NOVA1: variants seen among roughly 807,000 people sequenced by gnomAD.
The protein encoded by NOVA1 is RNA-binding protein Nova-1.
A neutral mutation model predicts 38.0 loss-of-function variants in NOVA1; 7 were observed. The ratio of observed to expected loss-of-function variants is 0.18; its 90% confidence interval spans 0.10 to 0.35. The LOEUF (loss-of-function observed/expected upper bound fraction) is 0.35. Ranked by LOEUF, NOVA1 falls within the 10% of genes least tolerant of loss-of-function variation. The probability of loss-of-function intolerance (pLI) is 1.00; values close to 1 mark genes in which losing one functional copy is unlikely to be tolerated. For missense variants in NOVA1, 460 were observed against 616.0 expected, an observed-to-expected ratio of 0.75 and a Z score of 2.68; for synonymous variants, 270 against 232.5, an observed-to-expected ratio of 1.16 and a Z score of -1.47.
At position 26,460,403 on chromosome 14, in the gene NOVA1, T is replaced by C. The variant is rs1426984958; in HGVS notation, c.520-11440A>G. Among the ~76,000 whole-genome samples the C allele has an allele frequency of 2.0e-5, 3 of 151,986 alleles. No homozygotes were observed. In the East Asian group the frequency reaches 5.8e-4, roughly 29 times the overall value. ...ATTCTTTTCATATATATGGGTGAAA[T>C]AGTTCATTTATAATATTTCATAAAT... On this transcript the variant is annotated intron_variant, in intron 4 of 4. Coordinates refer to ENST00000539517, the MANE Select transcript of NOVA1 (RefSeq NM_002515.3).
At chr14:26,475,705 A>C (rs1884930894) in intron 3 of NOVA1, among the ~76,000 whole-genome samples, 1 of 152,224 alleles carries the variant, frequency 6.6e-6, no homozygotes, top group African/African-American at 2.4e-5. Context: ...AACAATTTTA[A>C]AACAGTGGAT....
intron 2 of NOVA1, among the ~76,000 whole-genome samples, chr14:26,511,295 A>T (rs1034632117): frequency 2.0e-5 from 3 of 152,178 alleles, no homozygotes; most frequent in Admixed American, 6.5e-5. Context: ...AGATTATTTG[A>T]TGAAGTAGTT....
At chr14:26,595,150 G>T (rs1373127162) in intron 2 of NOVA1, among the ~76,000 whole-genome samples, 2 of 151,910 alleles carry the variant, frequency 1.3e-5, no homozygotes, top group Non-Finnish European at 2.9e-5. Flanking sequence ...GAGTTTTTTT[G>T]CTAATAAGAA....
chr14:26,498,835 CCTT>C (rs1352410155), intron 2 of NOVA1, among the ~76,000 whole-genome samples: 1 of 152,102 alleles, frequency 6.6e-6, no homozygotes, highest in Non-Finnish European at 1.5e-5. Flanking sequence ...CCTCCAGTCT[CCTT>C]ATAAACATTT....
intron 1 of NOVA1, chr14:26,596,591 G>A (rs2099664858): frequency 2.3e-6 from 3 of 1,288,922 alleles, no homozygotes; most frequent in Admixed American, 4.6e-5. Context: ...CGATGCATTG[G>A]GTGCATTGTT....
chr14:26,456,071 C>T (rs570801356), intron 4 of NOVA1, among the ~76,000 whole-genome samples: 1 of 151,760 alleles, frequency 6.6e-6, no homozygotes, highest in African/African-American at 2.4e-5. Flanking sequence ...TCTTTCAGGG[C>T]ACATATAGTA....
At position 26,571,144 on chromosome 14, in the gene NOVA1, A is replaced by AAT. The variant is rs764542201; in HGVS notation, c.280+24264_280+24265dup. ...TTTTGAATTAAATAATATGGATTAAAATATATATATATATATGATGTTTAA... is the reference window on the plus strand; with the variant it reads ...TTTTGAATTAAATAATATGGATTAAAATATATATATATATATATGATGTTTAA... On this transcript the variant is annotated intron_variant, in intron 2 of 4. Transcript: ENST00000539517. Among the ~76,000 whole-genome samples, 472 of 149,062 alleles carry AAT rather than the reference A, an allele frequency of 3.2e-3. 1 individual carries two copies. Among genetic ancestry groups the AAT allele is most frequent in the East Asian group, 8.8e-3 (45 of 5,092 alleles).
At chr14:26,563,663 CAT>C (rs1891961069) in intron 2 of NOVA1, among the ~76,000 whole-genome samples, 1 of 151,884 alleles carries the variant, frequency 6.6e-6, no homozygotes, top group Admixed American at 6.6e-5. Flanking sequence ...AGAATGATGA[CAT>C]ATTCAACTAT....
intron 2 of NOVA1, among the ~76,000 whole-genome samples, chr14:26,521,840 T>C (rs998518729): frequency 2.6e-5 from 4 of 152,120 alleles, no homozygotes; most frequent in African/African-American, 9.6e-5. Flanking sequence ...GAAAATAAAT[T>C]TCTGCAATTT....
At chr14:26,524,294 T>C (rs1055844004) in intron 2 of NOVA1, among the ~76,000 whole-genome samples, 1 of 152,028 alleles carries the variant, frequency 6.6e-6, no homozygotes, top group African/African-American at 2.4e-5. Flanking sequence ...CTTTGGAGAG[T>C]AAGACCAATT....
intron 2 of NOVA1, among the ~76,000 whole-genome samples, chr14:26,566,364 TA>T (rs1892136882): frequency 6.6e-6 from 1 of 151,316 alleles, no homozygotes; most frequent in Non-Finnish European, 1.5e-5. Flanking sequence ...CATATATACA[TA>T]TATACTAGTT....
chr14:26,505,717 T>C (rs1887596565), intron 2 of NOVA1, among the ~76,000 whole-genome samples: 1 of 152,204 alleles, frequency 6.6e-6, no homozygotes, highest in African/African-American at 2.4e-5. Flanking sequence ...CTGAATGGTA[T>C]GATCTAATTT....
Position 26,597,627 on chromosome 14 carries a change from G to A in NOVA1, c.-191C>T. On this transcript the variant is annotated 5_prime_UTR_variant, in exon 1 of 5. Transcript: ENST00000539517. ...TTGCTGGTTTGTTCTCACTGGGGAG[G>A]GGGCAGGGCTGAGGAGCAGCTGCAG... 1 of 1,219,316 alleles carries A rather than the reference G, an allele frequency of 8.2e-7. No individual in the cohort carries two copies. The highest frequency in any genetic ancestry group is 1.0e-6 in the Non-Finnish European group (1 of 981,980). 75.5% of individuals were successfully genotyped at this position (1,219,316 alleles called of 1,614,324 possible). A position where few individuals can be genotyped will look rare whatever the true frequency, so the allele number is the denominator to read the frequency against.
At chr14:26,595,727 A>G in intron 1 of NOVA1, 174 bp from the exon 2 acceptor site, 1 of 544,700 alleles carries the variant, frequency 1.8e-6, no homozygotes, top group East Asian at 3.0e-5. Context: ...AAAAACAAAC[A>G]GGTACAAAAT....
chr14:26,448,113 A>G lies in NOVA1; in HGVS notation c.1370T>C (p.Ile457Thr). ...YQELTGARIQISKKGEFVPGT... is the reference protein window; with the variant it reads ...YQELTGARIQTSKKGEFVPGT... ...AGGTACGAATTCTCCTTTTTTGGAG[A>G]TCTGTATCCTTGCACCAGTCAACTC... Residue 457 changes from isoleucine (I) to threonine (T), a missense_variant, in exon 5 of 5, where the codon ATC becomes ACC. Coordinates refer to ENST00000539517, the MANE Select transcript of NOVA1 (RefSeq NM_002515.3). The surrounding 1 kb of genome is among the most constrained non-coding windows in gnomAD (Gnocchi z 5.3). The G allele has an allele frequency of 6.2e-7, 1 of 1,613,964 alleles. No homozygotes were observed. Among genetic ancestry groups the G allele is most frequent in the Non-Finnish European group, 8.5e-7 (1 of 1,179,998 alleles).
intron 2 of NOVA1, among the ~76,000 whole-genome samples, chr14:26,504,228 C>G (rs968126099): frequency 6.6e-6 from 1 of 152,132 alleles, no homozygotes; most frequent in African/African-American, 2.4e-5. Context: ...TACAACTTTA[C>G]TATGTAGCGT....
intron 2 of NOVA1, among the ~76,000 whole-genome samples, chr14:26,564,398 A>C (rs2138694304): frequency 6.6e-6 from 1 of 152,212 alleles, no homozygotes; most frequent in African/African-American, 2.4e-5. Context: ...CCTACTTTAC[A>C]CATGAAAAAA....
At chr14:26,468,460 T>C (rs1884325646) in intron 4 of NOVA1, among the ~76,000 whole-genome samples, 1 of 152,250 alleles carries the variant, frequency 6.6e-6, no homozygotes, top group African/African-American at 2.4e-5. Flanking sequence ...TCAGCCTGCC[T>C]GGCTTAAGTC....
At chr14:26,535,472 A>T (rs866015723) in intron 2 of NOVA1, among the ~76,000 whole-genome samples, 53 of 152,200 alleles carry the variant, frequency 3.5e-4, no homozygotes, top group African/African-American at 1.2e-3. Flanking sequence ...TCTAGTAGAT[A>T]CTTTACAATA....
Sources: allele counts gnomAD v4.1 joint callset (sites outside exome capture counted in the v4.1 genomes callset), GRCh38; gene constraint gnomAD v4.1.1; non-coding constraint Gnocchi (gnomAD v3.1); transcripts MANE v1.5; gene names NCBI Gene and HGNC (gene_info 2026-07-23, HGNC 2026-07-21).